Variants in PDE10A observed in about 807,000 individuals in gnomAD.
PDE10A encodes cAMP and cAMP-inhibited cGMP 3',5'-cyclic phosphodiesterase 10A.
A neutral mutation model predicts 97.7 loss-of-function variants in PDE10A; 39 were observed. The observed-to-expected ratio is 0.40, with a 90% CI of 0.31 to 0.52. The LOEUF is 0.52. Ranked by LOEUF, PDE10A falls within the 20% of genes least tolerant of loss-of-function variation. The probability of loss-of-function intolerance (pLI) is 0.56; values close to 1 mark genes in which losing one functional copy is unlikely to be tolerated. For synonymous variants in PDE10A, 371 were observed against 376.8 expected (o/e 0.98, Z 0.18); for missense variants, 731 against 1,047.8 (o/e 0.70, Z 4.17).
At chr6:165,539,717 G>A (rs1030678206) in intron 2 of PDE10A, among the ~76,000 whole-genome samples, 1 of 151,938 alleles carries the variant, frequency 6.6e-6, no homozygotes, top group African/African-American at 2.4e-5. Context: ...GGTCAGGATT[G>A]GGAGACCAAG....
chr6:165,750,125 C>A (rs557021153), intron 1 of PDE10A, among the ~76,000 whole-genome samples: 8 of 152,052 alleles, frequency 5.3e-5, no homozygotes, highest in African/African-American at 1.4e-4. Context: ...AGGAGATGGG[C>A]ACAGGGCAGA....
At chr6:165,858,481 G>A (rs1484467122) in intron 1 of PDE10A, among the ~76,000 whole-genome samples, 1 of 152,188 alleles carries the variant, frequency 6.6e-6, no homozygotes, top group Non-Finnish European at 1.5e-5. Flanking sequence ...CTTCAACACT[G>A]AGTTGCAGCA....
chr6:165,630,766 CA>C (rs200036468), intron 1 of PDE10A, among the ~76,000 whole-genome samples: 1 of 151,690 alleles, frequency 6.6e-6, no homozygotes, highest in Admixed American at 6.6e-5. Context: ...AGTAACCTCA[CA>C]AAAAAAACAT....
At chr6:165,888,573 C>A (rs141683797) in intron 1 of PDE10A, among the ~76,000 whole-genome samples, 1 of 152,182 alleles carries the variant, frequency 6.6e-6, no homozygotes, top group Non-Finnish European at 1.5e-5. Flanking sequence ...CGTGAGCCAC[C>A]GCACCTGGCC....
At chr6:165,400,577 A>AC (rs1246924737) in intron 13 of PDE10A, among the ~76,000 whole-genome samples, 11 of 152,238 alleles carry the variant, frequency 7.2e-5, no homozygotes, top group Non-Finnish European at 1.3e-4. Context: ...CAGATGACAA[A>AC]TGTAGAAGAA....
At chr6:165,696,411 A>T (rs1791444858) in intron 1 of PDE10A, among the ~76,000 whole-genome samples, 1 of 152,128 alleles carries the variant, frequency 6.6e-6, no homozygotes. Context: ...CAGGATGTGA[A>T]TCACCCCTTT....
upstream of PDE10A, among the ~76,000 whole-genome samples, chr6:165,664,665 C>T (rs1016604485): frequency 3.1e-4 from 47 of 152,218 alleles, no homozygotes; most frequent in Non-Finnish European, 8.8e-5. Context: ...CCCGGCTTGA[C>T]GCTTCTCCAG....
intron 1 of PDE10A, chr6:165,948,804 G>A (rs1417557950): frequency 6.6e-6 from 1 of 152,304 alleles, no homozygotes; most frequent in African/African-American, 2.4e-5. Context: ...CCATGCCTAG[G>A]GGAGTGACTA....
chr6:165,984,923 C>G (rs1318072495), intron 1 of PDE10A, among the ~76,000 whole-genome samples: 1 of 152,200 alleles, frequency 6.6e-6, no homozygotes, highest in Non-Finnish European at 1.5e-5. Flanking sequence ...CTGAAGGTTC[C>G]CAGTGCACAC....
chr6:165,351,539 T>G (rs908883754), intron 18 of PDE10A, among the ~76,000 whole-genome samples: 1 of 152,224 alleles, frequency 6.6e-6, no homozygotes, highest in Non-Finnish European at 1.5e-5. Flanking sequence ...GGATTATTTG[T>G]TTACTTGAGA....
At chr6:165,953,329 G>C (rs961485418) in intron 1 of PDE10A, among the ~76,000 whole-genome samples, 1 of 152,126 alleles carries the variant, frequency 6.6e-6, no homozygotes, top group African/African-American at 2.4e-5. Flanking sequence ...AGTGGCTCAC[G>C]CCTGTAATCC....
intron 1 of PDE10A, among the ~76,000 whole-genome samples, chr6:165,985,457 C>T (rs923784476): frequency 2.0e-5 from 3 of 152,340 alleles, no homozygotes; most frequent in Non-Finnish European, 4.4e-5. Context: ...CAATTGCTTT[C>T]ACCACCACGT....
chr6:165,666,785 T>C (rs1003493212), upstream of PDE10A, among the ~76,000 whole-genome samples: 1 of 152,196 alleles, frequency 6.6e-6, no homozygotes, highest in Non-Finnish European at 1.5e-5. Flanking sequence ...TCTGCACATA[T>C]CAACATGTTG....
At chr6:165,435,622 T>C (rs2128240316) in intron 5 of PDE10A, among the ~76,000 whole-genome samples, 1 of 152,230 alleles carries the variant, frequency 6.6e-6, no homozygotes, top group East Asian at 1.9e-4. Flanking sequence ...ACAGAAACAC[T>C]CTTCAAATAG....
intron 2 of PDE10A, among the ~76,000 whole-genome samples, chr6:165,516,967 C>A (rs1481746479): frequency 6.6e-6 from 1 of 152,032 alleles, no homozygotes; most frequent in Non-Finnish European, 1.5e-5. Flanking sequence ...ATATTTTTAA[C>A]ATAATGTGCT....
At chr6:165,594,075 A>G (rs573139039) in intron 1 of PDE10A, among the ~76,000 whole-genome samples, 2 of 152,330 alleles carry the variant, frequency 1.3e-5, no homozygotes, top group African/African-American at 4.8e-5. Flanking sequence ...ATTATAACTC[A>G]TCATTTAAAT....
chr6:165,395,133 G>T, intron 15 of PDE10A, 48 bp downstream of exon 15: 1 of 1,170,658 alleles, frequency 8.5e-7, no homozygotes, highest in Non-Finnish European at 1.3e-6. Context: ...GGAGGAAGAG[G>T]TTATGTCACC....
At chr6:165,803,016 A>T (rs1779022674) in intron 1 of PDE10A, among the ~76,000 whole-genome samples, 1 of 152,298 alleles carries the variant, frequency 6.6e-6, no homozygotes, top group Middle Eastern at 3.4e-3. Flanking sequence ...TATGATGCAG[A>T]TACCGTGGTG....
chr6:165,361,074 T>A (rs1035597506), intron 18 of PDE10A, among the ~76,000 whole-genome samples: 6 of 152,202 alleles, frequency 3.9e-5, no homozygotes, highest in Non-Finnish European at 7.3e-5. Flanking sequence ...TAAAAGAGAA[T>A]TGTATAACTA....
Sources: gnomAD v4.1 joint callset for allele counts (sites outside exome capture counted in the v4.1 genomes callset) on GRCh38, gnomAD v4.1.1 for gene constraint, MANE v1.5 for transcripts, NCBI Gene and HGNC (gene_info 2026-07-23, HGNC 2026-07-21) for gene names.